ASAP3: variants seen among roughly 807,000 people sequenced by gnomAD.
The protein encoded by ASAP3 is ArfGAP with SH3 domain, ankyrin repeat and PH domain 3, also known as arf-GAP with SH3 domain, ANK repeat and PH domain-containing protein 3.
Under a neutral mutation model 118.2 loss-of-function variants are expected in ASAP3, and 85 were observed. That is an observed-to-expected ratio of 0.72 (90% CI 0.60 to 0.86). The LOEUF (loss-of-function observed/expected upper bound fraction) is 0.86, where lower values mean the gene tolerates loss of function less well. ASAP3 is among the 40% of genes least tolerant of loss of function. The probability of loss-of-function intolerance (pLI) is 0.00; values close to 1 mark genes in which losing one functional copy is unlikely to be tolerated. For missense variants in ASAP3, 1,026 were observed against 1,175.0 expected (o/e 0.87, Z 1.85); for synonymous variants, 432 against 477.4 (o/e 0.90, Z 1.24).
chr1:23,477,836 C>T (rs1642183000), intron 1 of ASAP3, among the ~76,000 whole-genome samples: 1 of 152,192 alleles, frequency 6.6e-6, no homozygotes, highest in South Asian at 2.1e-4. Flanking sequence ...ACCTCGGCCT[C>T]CCAAAGTGCT....
chr1:23,441,121 G>C lies in ASAP3; in HGVS notation c.925C>G (p.Leu309Val). Residue 309 changes from leucine (L) to valine (V), a missense_variant, in exon 10 of 25, where the codon CTA (leucine) becomes GTA (valine). Physicochemically the swap from Leu to Val is conservative, Grantham distance 32 (BLOSUM62 1). Transcript: ENST00000336689. ...KQFGTEKVGF[L>V]YKKSDGIRRV... is the part of the protein sequence containing the mutation. ...ACTTACCCGTCACTTTTCTTGTATA[G>C]AAAGCCCACTTTCTCCGTCCCAAAC... 6.2e-7 allele frequency: 1 copy of C among 1,614,146 alleles called. No individual in the cohort carries two copies. Among genetic ancestry groups the C allele is most frequent in the Non-Finnish European group, 8.5e-7 (1 of 1,180,020 alleles).
At chr1:23,468,435 C>T (rs989098094) in intron 1 of ASAP3, among the ~76,000 whole-genome samples, 4 of 152,222 alleles carry the variant, frequency 2.6e-5, no homozygotes, top group Non-Finnish European at 4.4e-5. Flanking sequence ...TAACAGTATA[C>T]GTGATGTGGG....
intron 1 of ASAP3, among the ~76,000 whole-genome samples, chr1:23,462,028 C>CTTT (rs531739489): frequency 6.9e-6 from 1 of 144,004 alleles, no homozygotes; most frequent in Non-Finnish European, 1.5e-5. Flanking sequence ...TTTTTCTTTT[C>CTTT]TTTTTTTTTT....
intron 17 of ASAP3, 89 bp from the exon 18 acceptor site, chr1:23,434,707 T>G: frequency 1.6e-6 from 2 of 1,259,556 alleles, no homozygotes; most frequent in Non-Finnish European, 2.3e-6. Context: ...GCTAACCCCT[T>G]ATCCCCCCAT....
At position 23,436,508 on chromosome 1, in the gene ASAP3, C is replaced by T. The variant is rs1288252624; in HGVS notation, c.1571+52G>A. 9 of 1,588,872 alleles carry T rather than the reference C, an allele frequency of 5.7e-6. No individual in the cohort carries two copies. The East Asian group carries it at 1.3e-4, about 24-fold the overall frequency. ...GACTTTTCTACGACCCTGGACACTG[C>T]GGAGGCAGAATCCCCTAGGCAGGGT... On this transcript the variant is annotated intron_variant, in intron 16 of 24. Transcript: ENST00000336689. This position sits in a 1 kb window ranked among gnomAD's most constrained non-coding sequence, Gnocchi z 4.2.
At chr1:23,435,818 TGG>T (rs911065920) in intron 17 of ASAP3, 31 bp downstream of exon 17, 19 of 1,613,364 alleles carry the variant, frequency 1.2e-5, no homozygotes, top group Non-Finnish European at 1.6e-5. Flanking sequence ...GTTAGACAGG[TGG>T]GTTATAAGTG....
At chr1:23,435,731 T>G (rs1570332118) in intron 17 of ASAP3, 120 bp downstream of exon 17, 3 of 1,158,668 alleles carry the variant, frequency 2.6e-6, no homozygotes, top group East Asian at 4.7e-5. Flanking sequence ...ACCACTCTGA[T>G]GGGTGAGATC....
At chr1:23,459,339 T>C (rs1428368660) in intron 1 of ASAP3, among the ~76,000 whole-genome samples, 1 of 152,162 alleles carries the variant, frequency 6.6e-6, no homozygotes, top group Non-Finnish European at 1.5e-5. Flanking sequence ...AGTATGTTCA[T>C]GCTCTAGATA....
intron 1 of ASAP3, among the ~76,000 whole-genome samples, chr1:23,475,281 C>T (rs760751932): frequency 1.3e-5 from 2 of 152,122 alleles, no homozygotes; most frequent in African/African-American, 2.4e-5. Flanking sequence ...AGTGACACAG[C>T]GATGGCATTT....
At chr1:23,447,961 A>G (rs189497328) in intron 5 of ASAP3, among the ~76,000 whole-genome samples, 6 of 152,294 alleles carry the variant, frequency 3.9e-5, no homozygotes, top group Admixed American at 3.3e-4. Flanking sequence ...TTCTGAGATG[A>G]CCTAATAGCT....
At position 23,436,693 on chromosome 1, in the gene ASAP3, C is replaced by G. The variant is rs755367603; in HGVS notation, c.1477-39G>C. ...AAAATAGACGTGGGGCGGAGTAAGA[C>G]CGGGCGGTTAAGCCTGCATAGGGTG... On this transcript the variant is annotated intron_variant, in intron 15 of 24. Transcript: ENST00000336689. The surrounding 1 kb of genome is among the most constrained non-coding windows in gnomAD (Gnocchi z 4.2). The G allele has an allele frequency of 2.5e-6, 4 of 1,612,164 alleles. No homozygotes were observed. In the South Asian group the frequency reaches 4.4e-5, roughly 18 times the overall value.
At position 23,451,535 on chromosome 1, in the gene ASAP3, G is replaced by A; in HGVS notation, c.424-7C>T. On this transcript the variant is annotated splice_polypyrimidine_tract_variant and splice_region_variant and intron_variant, in intron 4 of 24. Coordinates refer to ENST00000336689, the MANE Select transcript of ASAP3 (RefSeq NM_017707.4). Reference sequence around the variant, plus strand: ...CCAGCTGTTTTTTGGAATCCTGTGGGTTAAAAAAGGACAATTTGCCCAGAG... The same window carrying A: ...CCAGCTGTTTTTTGGAATCCTGTGGATTAAAAAAGGACAATTTGCCCAGAG... 1 of 1,614,006 alleles carries A rather than the reference G, an allele frequency of 6.2e-7. No homozygotes were observed. Among genetic ancestry groups the A allele is most frequent in the Non-Finnish European group, 8.5e-7 (1 of 1,179,912 alleles).
At chr1:23,460,536 A>AAC (rs768864967) in intron 1 of ASAP3, among the ~76,000 whole-genome samples, 79 of 151,288 alleles carry the variant, frequency 5.2e-4, no homozygotes, top group Non-Finnish European at 6.6e-4. Flanking sequence ...ACCAAACAAA[A>AAC]ACACACACAC....
chr1:23,441,781 A>G, intron 7 of ASAP3, 51 bp from the exon 8 acceptor site: 1 of 1,594,508 alleles, frequency 6.3e-7, no homozygotes, highest in Non-Finnish European at 8.6e-7. Context: ...TGGAAATGAG[A>G]GATGAAGCCA....
At chr1:23,430,956 C>T (rs1640405793) in intron 24 of ASAP3, 79 bp downstream of exon 24, 7 of 1,354,234 alleles carry the variant, frequency 5.2e-6, no homozygotes, top group Non-Finnish European at 7.0e-6. Context: ...TCTCCCACCC[C>T]AATACGCCTA....
intron 1 of ASAP3, among the ~76,000 whole-genome samples, chr1:23,474,312 T>C (rs1177474793): frequency 6.6e-6 from 1 of 152,120 alleles, no homozygotes; most frequent in African/African-American, 2.4e-5. Context: ...AGAGGCTGTG[T>C]CTCTGTCATT....
At chr1:23,445,047 G>T (rs1223762118) in intron 5 of ASAP3, among the ~76,000 whole-genome samples, 2 of 151,050 alleles carry the variant, frequency 1.3e-5, no homozygotes, top group African/African-American at 4.9e-5. Context: ...AGTTTGTAAA[G>T]AGTGGTAGAA....
Position 23,436,525 on chromosome 1 carries a change from A to T in ASAP3, c.1571+35T>A, listed in dbSNP as rs749367665. ...GGACACTGCGGAGGCAGAATCCCCT[A>T]GGCAGGGTGCCCCTCTCTCTGAGAA... On this transcript the variant is annotated intron_variant, in intron 16 of 24. Transcript: ENST00000336689. This position sits in a 1 kb window ranked among gnomAD's most constrained non-coding sequence, Gnocchi z 4.2. 1.2e-5 allele frequency: 19 copies of T among 1,608,152 alleles called. No homozygotes were observed. Among genetic ancestry groups the T allele is most frequent in the Non-Finnish European group, 1.6e-5 (19 of 1,174,624 alleles).
intron 1 of ASAP3, 85 bp downstream of exon 1, chr1:23,483,920 A>G: frequency 8.3e-7 from 1 of 1,208,368 alleles, no homozygotes. Context: ...GTGAAGGGCC[A>G]TCGCAGCTCG....
Sources: gnomAD v4.1 joint callset for allele counts (sites outside exome capture counted in the v4.1 genomes callset) on GRCh38, gnomAD v4.1.1 for gene constraint, Gnocchi (gnomAD v3.1) non-coding constraint, MANE v1.5 for transcripts, NCBI Gene and HGNC (gene_info 2026-07-23, HGNC 2026-07-21) for gene names.